Variants in PRKAR2A observed in about 807,000 individuals in gnomAD.
PRKAR2A encodes the protein protein kinase cAMP-dependent type II regulatory subunit alpha, also known as cAMP-dependent protein kinase type II-alpha regulatory subunit.
PRKAR2A carries 29 observed loss-of-function variants against 51.9 expected under a neutral mutation model. The ratio of observed to expected loss-of-function variants is 0.56; its 90% CI spans 0.42 to 0.76. The LOEUF (loss-of-function observed/expected upper bound fraction) is 0.76, where lower values mean the gene tolerates loss of function less well. PRKAR2A is among the 30% of genes least tolerant of loss of function. The pLI is 0.00. For missense variants in PRKAR2A, 445 were observed against 512.1 expected (o/e 0.87, Z 1.26); for synonymous variants, 178 against 186.2 (o/e 0.96, Z 0.36).
Position 48,760,301 on chromosome 3 carries a change from C to T in PRKAR2A, c.874-3857G>A, listed in dbSNP as rs376514409. ...GAACTGGGGAGGTGGAGGTTGTAGT[C>T]AGCCGAGATTGTGCCATTGCACTCC... On this transcript the variant is annotated intron_variant, in intron 8 of 10. Transcript: ENST00000265563. 9.9e-5 allele frequency among the ~76,000 whole-genome samples: 15 copies of T among 152,024 alleles called. No homozygotes were observed. In the East Asian group the frequency reaches 2.3e-3, roughly 24 times the overall value.
chr3:48,758,153 G>A (rs2081802211), intron 8 of PRKAR2A, among the ~76,000 whole-genome samples: 1 of 151,816 alleles, frequency 6.6e-6, no homozygotes, highest in South Asian at 2.1e-4. Context: ...AGCTACTTGG[G>A]AGACTGAGGC....
intron 4 of PRKAR2A, among the ~76,000 whole-genome samples, chr3:48,787,014 A>C (rs2082303813): frequency 6.6e-6 from 1 of 152,188 alleles, no homozygotes. Context: ...TACTCTTCAA[A>C]GTGTCAAGAT....
At position 48,808,070 on chromosome 3, in the gene PRKAR2A, C is replaced by T. The variant is rs1272768153; in HGVS notation, c.263-386G>A. Among the ~76,000 whole-genome samples the T allele has an allele frequency of 4.2e-5, 5 of 119,436 alleles. No individual in the cohort carries two copies. In the Admixed American group the frequency reaches 4.4e-4, roughly 10 times the overall value. The allele number at this position is 119,436 out of a possible 152,430, so 78.4% of individuals were successfully genotyped here. A position where few individuals can be genotyped will look rare whatever the true frequency, so the allele number is the denominator to read the frequency against. On this transcript the variant is annotated intron_variant, in intron 1 of 10. Transcript: ENST00000265563. The stretch of plus-strand genomic sequence containing the variant: ...TTTCTTTTTTTTTTTTTTTTTGAGA[C>T]GGAGTCTCGCTCTGTAGCCCAGGCT...
At chr3:48,801,431 G>A (rs1042696259) in intron 2 of PRKAR2A, among the ~76,000 whole-genome samples, 31 of 152,256 alleles carry the variant, frequency 2.0e-4, no homozygotes, top group African/African-American at 7.5e-4. Flanking sequence ...GGGATTACAG[G>A]TGTGAGCCAC....
intron 1 of PRKAR2A, among the ~76,000 whole-genome samples, chr3:48,810,322 G>A (rs1425703373): frequency 2.6e-5 from 4 of 151,876 alleles, no homozygotes; most frequent in Non-Finnish European, 4.4e-5. Flanking sequence ...AATTGGTTCC[G>A]TAGACCCCCA....
At chr3:48,843,626 A>T (rs2083413662) in intron 1 of PRKAR2A, among the ~76,000 whole-genome samples, 1 of 152,194 alleles carries the variant, frequency 6.6e-6, no homozygotes, top group Non-Finnish European at 1.5e-5. Context: ...TGGTACTGGT[A>T]CCAAAACAGA....
intron 4 of PRKAR2A, among the ~76,000 whole-genome samples, chr3:48,787,502 A>G (rs2082314199): frequency 6.6e-6 from 1 of 152,150 alleles, no homozygotes; most frequent in Non-Finnish European, 1.5e-5. Flanking sequence ...TAACTTTTCA[A>G]CACTCAAATG....
At chr3:48,822,142 C>A (rs1241268044) in intron 1 of PRKAR2A, among the ~76,000 whole-genome samples, 3 of 134,992 alleles carry the variant, frequency 2.2e-5, no homozygotes, top group African/African-American at 8.5e-5. Flanking sequence ...ACCAGGGAGG[C>A]AGAGGTTGCA....
intron 8 of PRKAR2A, among the ~76,000 whole-genome samples, chr3:48,759,921 A>C (rs2081838231): frequency 6.6e-6 from 1 of 152,224 alleles, no homozygotes; most frequent in South Asian, 2.1e-4. Context: ...TTTTTGGTTT[A>C]ATGCAATGGT....
intron 1 of PRKAR2A, among the ~76,000 whole-genome samples, chr3:48,828,770 CT>C (rs915503502): frequency 1.3e-5 from 2 of 149,632 alleles, no homozygotes; most frequent in Admixed American, 6.7e-5. Flanking sequence ...TCCTTTAAGC[CT>C]TTTTTTTATT....
chr3:48,754,815 G>C (rs906235735), intron 9 of PRKAR2A, among the ~76,000 whole-genome samples: 2 of 151,182 alleles, frequency 1.3e-5, no homozygotes, highest in African/African-American at 2.4e-5. Context: ...ACTCAGTAGG[G>C]TGAGGCACGA....
chr3:48,793,411 C>T (rs2082424255), intron 3 of PRKAR2A, among the ~76,000 whole-genome samples: 1 of 152,106 alleles, frequency 6.6e-6, no homozygotes, highest in Non-Finnish European at 1.5e-5. Flanking sequence ...GTTGGCCTGA[C>T]TGTAAGTATT....
intron 1 of PRKAR2A, among the ~76,000 whole-genome samples, chr3:48,842,456 T>A (rs888725646): frequency 9.9e-5 from 15 of 152,154 alleles, no homozygotes; most frequent in South Asian, 2.1e-4. Context: ...CTATGTTGAA[T>A]AGGAGTGGTG....
rs2081641925 is a variant in PRKAR2A, at chr3:48,751,212, C to T, written c.*373G>A. The T allele has an allele frequency of 4.5e-6, 2 of 444,318 alleles. No homozygotes were observed. Among genetic ancestry groups the T allele is most frequent in the Non-Finnish European group, 9.0e-6 (2 of 223,154 alleles). The allele number at this position is 444,318 out of a possible 1,614,324, so 27.5% of individuals were successfully genotyped here. On this transcript the variant is annotated 3_prime_UTR_variant, in exon 11 of 11. Coordinates refer to ENST00000265563, the MANE Select transcript of PRKAR2A (RefSeq NM_004157.4). Reference sequence around the variant, plus strand: ...GTTATACAACAGGTTTCTGCAGACCCTGTGGTAACTTCCAAAAGCAAGAGT... The same window carrying T: ...GTTATACAACAGGTTTCTGCAGACCTTGTGGTAACTTCCAAAAGCAAGAGT...
At chr3:48,764,903 G>A (rs990791174) in intron 8 of PRKAR2A, 101 bp downstream of exon 8, 3 of 1,020,754 alleles carry the variant, frequency 2.9e-6, no homozygotes, top group Admixed American at 2.1e-5. Context: ...GGGATTACAG[G>A]CGTGAGCCAC....
At chr3:48,826,986 G>C (rs1349626725) in intron 1 of PRKAR2A, among the ~76,000 whole-genome samples, 1 of 151,908 alleles carries the variant, frequency 6.6e-6, no homozygotes, top group Non-Finnish European at 1.5e-5. Context: ...TCATTTTAGG[G>C]GCACTAAACT....
chr3:48,804,969 T>C (rs1250423901), intron 2 of PRKAR2A, among the ~76,000 whole-genome samples: 1 of 152,076 alleles, frequency 6.6e-6, no homozygotes, highest in Non-Finnish European at 1.5e-5. Flanking sequence ...TGGAGTACAG[T>C]GGAACGATCA....
chr3:48,844,754 G>A lies in PRKAR2A; in HGVS notation c.262+2581C>T, dbSNP rs1006112706. ...TCGCAAGGACAAAAAACCAAACACC[G>A]CATGTTCTCACTCACAGATGGGAAT... is the stretch of plus-strand genomic sequence containing the variant. On this transcript the variant is annotated intron_variant, in intron 1 of 10. Coordinates refer to ENST00000265563, the MANE Select transcript of PRKAR2A (RefSeq NM_004157.4). 4.7e-5 allele frequency among the ~76,000 whole-genome samples: 7 copies of A among 148,382 alleles called. No homozygotes were observed. The South Asian group carries it at 6.5e-4, about 14-fold the overall frequency.
chr3:48,806,165 A>G (rs1435731085), intron 2 of PRKAR2A, among the ~76,000 whole-genome samples: 1 of 152,224 alleles, frequency 6.6e-6, no homozygotes, highest in Non-Finnish European at 1.5e-5. Flanking sequence ...ACAGATTTTT[A>G]TGTGGAATGA....
Sources: allele counts gnomAD v4.1 joint callset (sites outside exome capture counted in the v4.1 genomes callset), GRCh38; gene constraint gnomAD v4.1.1; transcripts MANE v1.5; gene names NCBI Gene and HGNC (gene_info 2026-07-23, HGNC 2026-07-21).